The following CR1 variants were observed in gnomAD, a reference collection of about 807,000 sequenced individuals.
CR1 encodes complement receptor type 1.
Under a neutral mutation model 187.3 loss-of-function variants are expected in CR1, and 116 were observed. The ratio of observed to expected loss-of-function variants is 0.62; its 90% CI spans 0.53 to 0.72. CR1 has a LOEUF of 0.72. CR1 is among the 30% of genes least tolerant of loss of function. The probability of loss-of-function intolerance (pLI) is 0.00; values close to 1 mark genes in which losing one functional copy is unlikely to be tolerated. For missense variants in CR1, 1,731 were observed against 2,110.7 expected (o/e 0.82, Z 3.52); for synonymous variants, 576 against 747.1 (o/e 0.77, Z 3.73).
At chr1:207,617,497 ATATATATATATGTGTG>A (rs1456134402) in intron 41 of CR1, among the ~76,000 whole-genome samples, 1 of 58,372 alleles carries the variant, frequency 1.7e-5, no homozygotes, top group African/African-American at 6.4e-5. Context: ...ATATATATAT[ATATATATATATGTGTG>A]TGTGTGTGTG....
intron 45 of CR1, among the ~76,000 whole-genome samples, chr1:207,630,074 C>G (rs1424512312): frequency 6.6e-6 from 1 of 152,154 alleles, no homozygotes; most frequent in Non-Finnish European, 1.5e-5. Flanking sequence ...CTGCTGCTCC[C>G]CTAACCGTGG....
intron 46 of CR1, 117 bp from the exon 47 acceptor site, chr1:207,639,280 C>T: frequency 1.1e-6 from 1 of 895,220 alleles, no homozygotes; most frequent in South Asian, 1.6e-5. Context: ...CCTAAAGCAA[C>T]TCCTGTTATT....
intron 35 of CR1, among the ~76,000 whole-genome samples, chr1:207,598,350 C>T (rs1330420155): frequency 6.6e-6 from 1 of 151,694 alleles, no homozygotes; most frequent in African/African-American, 2.4e-5. Context: ...GAATTTAAAA[C>T]ATATCAAATA....
At chr1:207,588,909 T>C (rs1432465003) in intron 35 of CR1, 135 bp downstream of exon 35, 5 of 622,724 alleles carry the variant, frequency 8.0e-6, no homozygotes, top group African/African-American at 3.7e-5. Context: ...TAGATGGAGA[T>C]GATACGTTGG....
intron 3 of CR1, among the ~76,000 whole-genome samples, chr1:207,508,682 A>G (rs1465883244): frequency 6.6e-6 from 1 of 151,894 alleles, no homozygotes; most frequent in Non-Finnish European, 1.5e-5. Context: ...TCTCTGTACT[A>G]TTCCCTGCAT....
intron 24 of CR1, among the ~76,000 whole-genome samples, chr1:207,567,017 G>A (rs1019597410): frequency 1.4e-4 from 21 of 150,220 alleles, no homozygotes; most frequent in African/African-American, 5.0e-4. Flanking sequence ...ATGAATGAAA[G>A]CTCATTAACT....
intron 28 of CR1, among the ~76,000 whole-genome samples, chr1:207,576,846 T>C (rs972973918): frequency 1.3e-5 from 2 of 152,168 alleles, no homozygotes; most frequent in Admixed American, 1.3e-4. Flanking sequence ...CTGTATGCTT[T>C]ATTATATTAA....
intron 4 of CR1, among the ~76,000 whole-genome samples, chr1:207,520,220 A>C (rs1659931854): frequency 6.6e-6 from 1 of 152,154 alleles, no homozygotes; most frequent in Non-Finnish European, 1.5e-5. Context: ...CCAATTTTGC[A>C]ACGTGGTCGA....
chr1:207,605,423 GC>G (rs1367871422), intron 35 of CR1, among the ~76,000 whole-genome samples: 1 of 151,440 alleles, frequency 6.6e-6, no homozygotes, highest in African/African-American at 2.4e-5. Flanking sequence ...TTAATCATTT[GC>G]AACAGAAACA....
In CR1 at chr1:207,524,200, A is replaced by G. The variant is rs1048106703; in HGVS notation, c.886+191A>G. Among the ~76,000 whole-genome samples the G allele has an allele frequency of 1.5e-4, 23 of 152,176 alleles. 2 individuals carry two copies. Among genetic ancestry groups the G allele is most frequent in the African/African-American group, 5.1e-4 (21 of 41,384 alleles). On this transcript the variant is annotated intron_variant, in intron 5 of 46. Transcript: ENST00000367049. ...TGCTGAAATTGCGAAGCAAAGCTCA[A>G]CCTGGGCAAGGGATATGATGTTTCT...
At chr1:207,579,403 C>A (rs184139978) in intron 29 of CR1, among the ~76,000 whole-genome samples, 17 of 152,290 alleles carry the variant, frequency 1.1e-4, no homozygotes, top group South Asian at 4.1e-4. Context: ...TGTACTGAGG[C>A]AGGAGATGGG....
At chr1:207,617,507 A>ATATATATATGTGTGTGTG (rs1332301171) in intron 41 of CR1, among the ~76,000 whole-genome samples, 1 of 47,030 alleles carries the variant, frequency 2.1e-5, no homozygotes, top group African/African-American at 6.3e-5. Flanking sequence ...ATATATATAT[A>ATATATATATGTGTGTGTG]TGTGTGTGTG....
At chr1:207,590,486 G>C (rs953286995) in intron 35 of CR1, among the ~76,000 whole-genome samples, 3 of 152,132 alleles carry the variant, frequency 2.0e-5, no homozygotes, top group African/African-American at 7.2e-5. Context: ...GGAATAACTG[G>C]TACCAGCCAC....
rs1662958621 is a variant in CR1, at chr1:207,640,706, T to C, written c.*1297T>C. The C allele has an allele frequency of 6.6e-6, 1 of 152,230 alleles. No individual in the cohort carries two copies. Among genetic ancestry groups the C allele is most frequent in the African/African-American group, 2.4e-5 (1 of 41,464 alleles). 9.4% of individuals were successfully genotyped at this position (152,230 alleles called of 1,614,324 possible). A position where few individuals can be genotyped will look rare whatever the true frequency, so the allele number is the denominator to read the frequency against. On this transcript the variant is annotated 3_prime_UTR_variant, in exon 47 of 47. Coordinates refer to ENST00000367049, the MANE Select transcript of CR1 (RefSeq NM_000651.6). Reference sequence around the variant, plus strand: ...TAGAGAACAAAAATGTGTTATGATATTATGGGCCATGCTAATGACCTCTAG... The same window carrying C: ...TAGAGAACAAAAATGTGTTATGATACTATGGGCCATGCTAATGACCTCTAG...
intron 3 of CR1, chr1:207,507,504 A>T (rs1659477562): frequency 6.6e-6 from 1 of 152,228 alleles, no homozygotes; most frequent in African/African-American, 2.4e-5. Flanking sequence ...CTCTCTTTTA[A>T]TAAGGACACC....
At position 207,523,659 on chromosome 1, in the gene CR1, G is replaced by A. The variant is rs766358157; in HGVS notation, c.536G>A (p.Ser179Asn). The A allele has an allele frequency of 3.1e-6, 5 of 1,613,934 alleles. No homozygotes were observed. In the South Asian group the frequency reaches 4.4e-5, roughly 14 times the overall value. ...PPTITNGDFI[S>N]TNRENFHYGS... Reference sequence around the variant, plus strand: ...ACCATCACCAATGGAGATTTCATTAGCACCAACAGAGAGAATTTTCACTAT... The same window carrying A: ...ACCATCACCAATGGAGATTTCATTAACACCAACAGAGAGAATTTTCACTAT... The change falls in exon 5 of 47, where the codon AGC becomes AAC. Residue 179 changes from serine (S) to asparagine (N), a missense_variant. By Grantham distance (46) the Ser-to-Asn change is conservative. Around this residue, in one of 5 missense-constraint regions of CR1, gnomAD observed 237 missense variants for 240.4 expected, o/e 0.99. Transcript: ENST00000367049.
At chr1:207,632,847 T>C (rs1414333309) in intron 46 of CR1, among the ~76,000 whole-genome samples, 1 of 149,500 alleles carries the variant, frequency 6.7e-6, no homozygotes, top group African/African-American at 2.5e-5. Context: ...ACAGAAAATA[T>C]TGTGCTTTCA....
chr1:207,630,336 GT>G (rs1213238755), intron 45 of CR1, among the ~76,000 whole-genome samples, 180 bp from the exon 46 acceptor site: 4 of 152,152 alleles, frequency 2.6e-5, no homozygotes, highest in African/African-American at 9.7e-5. Context: ...TCTAATCTAA[GT>G]TTTTGCTTAG....
chr1:207,611,957 T>G lies in CR1; in HGVS notation c.6491T>G (p.Phe2164Cys). 6.2e-7 allele frequency: 1 copy of G among 1,614,044 alleles called. No individual in the cohort carries two copies. Reference protein sequence around the residue: ...PRCTVKSCDDFLGQLPHGRVL... With the variant: ...PRCTVKSCDDCLGQLPHGRVL... ...CTTCTAGTGAAATCCTGTGATGACT[T>G]CCTGGGCCAACTCCCTCATGGCCGT... Residue 2164 changes from phenylalanine (F) to cysteine (C), a missense_variant, in exon 39 of 47, where the codon TTC (phenylalanine) becomes TGC (cysteine). This residue lies in a region of CR1 where 1,312 missense variants were observed against 1,379.6 expected (regional missense o/e 0.95). Transcript: ENST00000367049.
Sources: allele counts gnomAD v4.1 joint callset (sites outside exome capture counted in the v4.1 genomes callset), GRCh38; gene constraint gnomAD v4.1.1; regional missense constraint gnomAD v4.1.1; transcripts MANE v1.5; gene names NCBI Gene and HGNC (gene_info 2026-07-23, HGNC 2026-07-21).